The following SPIDR variants were observed in gnomAD, a reference collection of about 807,000 sequenced individuals.
The protein encoded by SPIDR is DNA repair-scaffolding protein.
SPIDR carries 93 observed loss-of-function variants against 104.6 expected under a neutral mutation model. The observed-to-expected ratio is 0.89, with a 90% CI of 0.75 to 1.06. The LOEUF is 1.06. Ranked by LOEUF, SPIDR falls within the 50% of genes least tolerant of loss-of-function variation. The pLI, the probability that SPIDR is intolerant of heterozygous loss-of-function variation, is 0.00. For synonymous variants in SPIDR, 431 were observed against 416.9 expected (o/e 1.03, Z -0.41); for missense variants, 1,154 against 1,111.2 (o/e 1.04, Z -0.55).
At chr8:47,648,454 T>C (rs560035154) in intron 10 of SPIDR, among the ~76,000 whole-genome samples, 47 of 152,296 alleles carry the variant, frequency 3.1e-4, no homozygotes, top group African/African-American at 1.1e-3. Flanking sequence ...ATTAGGGTAG[T>C]ATAAACTCGT....
At position 47,470,072 on chromosome 8, in the gene SPIDR, A is replaced by G. The variant is rs184872561; in HGVS notation, c.1097+29530A>G. On this transcript the variant is annotated intron_variant, in intron 8 of 19. Coordinates refer to ENST00000297423, the MANE Select transcript of SPIDR (RefSeq NM_001080394.4). ...ATCTATTCGAATATTCATATGGACTATCAGCAGACCTCAAGTAGCCAAAAA... is the reference window on the plus strand; with the variant it reads ...ATCTATTCGAATATTCATATGGACTGTCAGCAGACCTCAAGTAGCCAAAAA... 6.2e-3 allele frequency among the ~76,000 whole-genome samples: 945 copies of G among 152,320 alleles called. 11 individuals are homozygous for G. The highest frequency in any genetic ancestry group is 0.011 in the Non-Finnish European group (730 of 68,030).
At chr8:47,323,118 G>A (rs2047052517) in intron 5 of SPIDR, among the ~76,000 whole-genome samples, 1 of 151,428 alleles carries the variant, frequency 6.6e-6, no homozygotes, top group Admixed American at 6.6e-5. Context: ...AAAAAAAAAA[G>A]AAAAGTAAGG....
intron 4 of SPIDR, among the ~76,000 whole-genome samples, chr8:47,293,280 A>G (rs906431034): frequency 6.6e-6 from 1 of 152,062 alleles, no homozygotes; most frequent in Non-Finnish European, 1.5e-5. Context: ...CTAGCTGTGT[A>G]AGAAAGGAGG....
intron 5 of SPIDR, among the ~76,000 whole-genome samples, chr8:47,364,836 G>C (rs527989693): frequency 1.3e-5 from 2 of 152,114 alleles, no homozygotes; most frequent in African/African-American, 2.4e-5. Context: ...TGTAAATCCT[G>C]TGGAGTCTCA....
intron 14 of SPIDR, among the ~76,000 whole-genome samples, chr8:47,702,430 G>A (rs2080431402): frequency 6.6e-6 from 1 of 152,136 alleles, no homozygotes; most frequent in Non-Finnish European, 1.5e-5. Context: ...GTAGAAGTGG[G>A]AATCTCAGGA....
intron 5 of SPIDR, among the ~76,000 whole-genome samples, chr8:47,379,998 C>CT (rs2059137363): frequency 6.6e-6 from 1 of 152,228 alleles, no homozygotes; most frequent in Non-Finnish European, 1.5e-5. Context: ...TTTCCCCACC[C>CT]ATTGTGTAGC....
rs1186459836 is a variant in SPIDR at position 47,688,164 on chromosome 8, C to G, written c.1686-12239C>G. ...TTATTTTTTGAGACGGAGTCTCTCT[C>G]TGTTGCCCAGGCTGGAGTGCAGTGG... On this transcript the variant is annotated intron_variant, in intron 11 of 19. Transcript: ENST00000297423. 2.0e-5 allele frequency among the ~76,000 whole-genome samples: 3 copies of G among 152,174 alleles called. No individual in the cohort carries two copies. In the East Asian group the frequency reaches 5.8e-4, roughly 29 times the overall value.
intron 5 of SPIDR, among the ~76,000 whole-genome samples, chr8:47,297,915 C>T (rs1398484751): frequency 1.3e-5 from 2 of 152,288 alleles, no homozygotes; most frequent in East Asian, 1.9e-4. Flanking sequence ...CCGCAATAAT[C>T]GTACGTGGGC....
chr8:47,444,289 G>T (rs1554699644), intron 8 of SPIDR, among the ~76,000 whole-genome samples: 1 of 152,176 alleles, frequency 6.6e-6, no homozygotes, highest in Non-Finnish European at 1.5e-5. Flanking sequence ...ATTACATCCT[G>T]CCATGAAATC....
intron 8 of SPIDR, among the ~76,000 whole-genome samples, chr8:47,574,202 C>A (rs1351640439): frequency 2.6e-5 from 4 of 152,176 alleles, no homozygotes; most frequent in African/African-American, 9.7e-5. Context: ...TTCTTGTGGT[C>A]ATTGTCTTCC....
At chr8:47,685,517 A>ATTTATTTTTTTTTTTTTTTTTTTT (rs761792229) in intron 11 of SPIDR, among the ~76,000 whole-genome samples, 1 of 130,098 alleles carries the variant, frequency 7.7e-6, no homozygotes, top group Non-Finnish European at 1.7e-5. Flanking sequence ...TTATTTATTT[A>ATTTATTTTTTTTTTTTTTTTTTTT]TTTTTTTGAG....
In SPIDR at chr8:47,386,910, GATATAGATATAGATATA is replaced by G. The variant is rs2060001170; in HGVS notation, c.526-9465_526-9449del. Among the ~76,000 whole-genome samples the G allele has an allele frequency of 3.2e-4, 8 of 25,150 alleles. No homozygotes were observed. In the East Asian group the frequency reaches 5.5e-3, roughly 17 times the overall value. 16.5% of individuals were successfully genotyped at this position (25,150 alleles called of 152,430 possible). A position where few individuals can be genotyped will look rare whatever the true frequency, so the allele number is the denominator to read the frequency against. The stretch of plus-strand genomic sequence containing the variant: ...AGAGAGAAAGAGAGAGAGAGATATA[GATATAGATATAGATATA>G]GATATAGATATAGATATAGATATAG... On this transcript the variant is annotated intron_variant, in intron 5 of 19. Transcript: ENST00000297423.
At chr8:47,471,476 A>G (rs1180834436) in intron 8 of SPIDR, among the ~76,000 whole-genome samples, 5 of 152,200 alleles carry the variant, frequency 3.3e-5, no homozygotes, top group Admixed American at 3.3e-4. Context: ...GCCGCAATGA[A>G]ATACCACTTT....
intron 10 of SPIDR, among the ~76,000 whole-genome samples, chr8:47,624,869 C>A (rs1450590355): frequency 1.3e-5 from 2 of 152,178 alleles, no homozygotes; most frequent in African/African-American, 2.4e-5. Flanking sequence ...AAGAGGGAAT[C>A]CTCCCTAACT....
At chr8:47,716,924 A>AT (rs997390799) in intron 16 of SPIDR, among the ~76,000 whole-genome samples, 47 of 152,244 alleles carry the variant, frequency 3.1e-4, no homozygotes, top group African/African-American at 1.1e-3. Flanking sequence ...ATATGGTCAG[A>AT]TTTTTTAATG....
At chr8:47,333,028 T>G (rs969183223) in intron 5 of SPIDR, among the ~76,000 whole-genome samples, 7 of 151,042 alleles carry the variant, frequency 4.6e-5, no homozygotes, top group African/African-American at 1.2e-4. Flanking sequence ...GTCAATTTTG[T>G]CTTTTGTTGC....
intron 7 of SPIDR, among the ~76,000 whole-genome samples, chr8:47,426,758 T>C (rs140831259): frequency 1.2e-3 from 188 of 152,312 alleles, no homozygotes; most frequent in African/African-American, 4.4e-3. Context: ...AGGAAGGTGG[T>C]AGAACTCATC....
At chr8:47,663,697 G>A (rs549882876) in intron 10 of SPIDR, among the ~76,000 whole-genome samples, 2 of 152,282 alleles carry the variant, frequency 1.3e-5, no homozygotes, top group South Asian at 2.1e-4. Context: ...TCACACTTGT[G>A]TACAAATTCA....
chr8:47,338,646 A>G (rs1164988958), intron 5 of SPIDR, among the ~76,000 whole-genome samples: 1 of 152,222 alleles, frequency 6.6e-6, no homozygotes, highest in Non-Finnish European at 1.5e-5. Flanking sequence ...CTTGTGCATG[A>G]TTGAACAATA....
Sources: gnomAD v4.1 joint callset for allele counts (sites outside exome capture counted in the v4.1 genomes callset) on GRCh38, gnomAD v4.1.1 for gene constraint, MANE v1.5 for transcripts, NCBI Gene and HGNC (gene_info 2026-07-23, HGNC 2026-07-21) for gene names.